Variants in NDUFV3 observed in about 807,000 individuals in gnomAD.
The protein encoded by NDUFV3 is NADH:ubiquinone oxidoreductase subunit V3.
In NDUFV3, 44 loss-of-function variants were observed where a neutral mutation model predicts 37.5. The ratio of observed to expected loss-of-function variants is 1.17; its 90% CI spans 0.92 to 1.51. NDUFV3 has a LOEUF of 1.51. NDUFV3 is among the 40% of genes most tolerant of loss of function. The probability of loss-of-function intolerance (pLI) is 0.00; values close to 1 mark genes in which losing one functional copy is unlikely to be tolerated. For missense variants in NDUFV3, 580 were observed against 580.4 expected, an observed-to-expected ratio of 1.00 and a Z score of 0.01; for synonymous variants, 235 against 239.3, an observed-to-expected ratio of 0.98 and a Z score of 0.17.
chr21:42,895,942 C>T (rs376418719), intron 1 of NDUFV3, among the ~76,000 whole-genome samples: 3 of 150,714 alleles, frequency 2.0e-5, no homozygotes, highest in Non-Finnish European at 1.5e-5. Flanking sequence ...TTCATATGCA[C>T]GGTACCTACA....
At chr21:42,906,414 T>C (rs1012569826) in intron 3 of NDUFV3, among the ~76,000 whole-genome samples, 1 of 152,174 alleles carries the variant, frequency 6.6e-6, no homozygotes, top group Non-Finnish European at 1.5e-5. Flanking sequence ...ACAGGATCTA[T>C]GTGTTTTCCC....
chr21:42,896,843 AAAT>A, intron 1 of NDUFV3, 81 bp from the exon 2 acceptor site: 1 of 1,372,840 alleles, frequency 7.3e-7, no homozygotes, highest in Non-Finnish European at 9.9e-7. Flanking sequence ...CTGACTCAAA[AAAT>A]ATATATATAT....
In NDUFV3 at chr21:42,903,846, TAAAG is replaced by T. The variant is rs775322781; in HGVS notation, c.839_842del (p.Glu280AlafsTer80). 2.2e-5 allele frequency: 36 copies of T among 1,613,090 alleles called. No individual in the cohort carries two copies. Among genetic ancestry groups the T allele is most frequent in the East Asian group, 4.5e-5 (2 of 44,874 alleles). On this transcript the variant is annotated frameshift_variant, in exon 3 of 4. Coordinates refer to ENST00000354250, the MANE Select transcript of NDUFV3 (RefSeq NM_021075.4). LOFTEE classifies it high-confidence loss of function. ...AAACATTTAGATTAAATGAAATAGA[TAAAG>T]AAAGCCAAAAGCCATTTGAAGTTAA... is the stretch of plus-strand genomic sequence containing the variant.
At chr21:42,894,831 A>G (rs2058683827) in intron 1 of NDUFV3, among the ~76,000 whole-genome samples, 1 of 151,838 alleles carries the variant, frequency 6.6e-6, no homozygotes, top group Admixed American at 6.6e-5. Context: ...ACACGTTTTC[A>G]TGTTTATATG....
At position 42,909,385 on chromosome 21, in the gene NDUFV3, G is replaced by C; in HGVS notation, c.*364G>C. 1 of 318,720 alleles carries C rather than the reference G, an allele frequency of 3.1e-6. No individual in the cohort carries two copies. Among genetic ancestry groups the C allele is most frequent in the Non-Finnish European group, 6.1e-6 (1 of 162,728 alleles). 19.7% of individuals were successfully genotyped at this position (318,720 alleles called of 1,614,324 possible). On this transcript the variant is annotated 3_prime_UTR_variant, in exon 4 of 4. Coordinates refer to ENST00000354250, the MANE Select transcript of NDUFV3 (RefSeq NM_021075.4). ...TCGAACTCCTGACCTCAGATGGTCT[G>C]CCCACCTCCGCCTCCCAAAGTGCTG...
At chr21:42,895,692 ATT>A (rs2058687395) in intron 1 of NDUFV3, among the ~76,000 whole-genome samples, 1 of 151,378 alleles carries the variant, frequency 6.6e-6, no homozygotes, top group South Asian at 2.1e-4. Flanking sequence ...GAAACGTGGT[ATT>A]TTGTAGGTTA....
In NDUFV3 at chr21:42,903,942, T is replaced by A. The variant is rs377633249; in HGVS notation, c.930T>A (p.Ala310=). Residue 310 remains alanine, a synonymous_variant, in exon 3 of 4, where the codon GCT becomes GCA. Coordinates refer to ENST00000354250, the MANE Select transcript of NDUFV3 (RefSeq NM_021075.4). ...CACCGAAGGGCAGCCCAGCGCCTGC[T>A]GTGTTGGCAGAAGAGGCCAGAGCAG... ...SAPPKGSPAP[A]VLAEEARAEG... is the part of the protein sequence containing the mutation. 9 of 1,613,130 alleles carry A rather than the reference T, an allele frequency of 5.6e-6. No homozygotes were observed. The African/African-American group carries it at 8.0e-5, about 14-fold the overall frequency.
At position 42,909,014 on chromosome 21, in the gene NDUFV3, GAC is replaced by G. The variant is rs1409268545; in HGVS notation, c.1418_1419del (p.His473LeufsTer22). ...CCCTCCTCAGGCCGGGAGTCACCTC[GAC>G]ACTGAGGGCCCTCGGTGTGAAGATG... On this transcript the variant is annotated frameshift_variant, in exon 4 of 4. Transcript: ENST00000354250. LOFTEE classifies it high-confidence loss of function. 6.2e-7 allele frequency: 1 copy of G among 1,613,318 alleles called. No individual in the cohort carries two copies. Among genetic ancestry groups the G allele is most frequent in the African/African-American group, 1.3e-5 (1 of 74,824 alleles).
chr21:42,893,471 C>T, intron 1 of NDUFV3, 90 bp downstream of exon 1: 1 of 1,439,404 alleles, frequency 6.9e-7, no homozygotes, highest in South Asian at 1.2e-5. Flanking sequence ...CAGGTCCGGG[C>T]CTGTCCGCGA....
Position 42,909,309 on chromosome 21 carries a change from C to T in NDUFV3, c.*288C>T, listed in dbSNP as rs1467048015. 7 of 373,398 alleles carry T rather than the reference C, an allele frequency of 1.9e-5. No homozygotes were observed. Among genetic ancestry groups the T allele is most frequent in the Non-Finnish European group, 3.1e-5 (6 of 193,668 alleles). 23.1% of individuals were successfully genotyped at this position (373,398 alleles called of 1,614,324 possible). ...GGTACTCACCACCAGGTCCAGCTAA[C>T]TTTTGTATTTTTAGTAGAGACAGGG... On this transcript the variant is annotated 3_prime_UTR_variant, in exon 4 of 4. Coordinates refer to ENST00000354250, the MANE Select transcript of NDUFV3 (RefSeq NM_021075.4).
rs780358623 is a variant in NDUFV3 at position 42,903,923 on chromosome 21, A to C, written c.911A>C (p.Lys304Thr). The change falls in exon 3 of 4, where the codon AAG becomes ACG. Residue 304 changes from lysine to threonine, a missense_variant. Lys to Thr is a moderately conservative substitution (Grantham distance 78, BLOSUM62 -1). Transcript: ENST00000354250. The stretch of plus-strand genomic sequence containing the variant: ...AAATCAGGGTTGTCTGCGCCACCGA[A>C]GGGCAGCCCAGCGCCTGCTGTGTTG... ...HTKSGLSAPPKGSPAPAVLAE... is the reference protein window; with the variant it reads ...HTKSGLSAPPTGSPAPAVLAE... 8.7e-6 allele frequency: 14 copies of C among 1,611,908 alleles called. No homozygotes were observed. In the South Asian group the frequency reaches 1.4e-4, roughly 16 times the overall value.
At position 42,894,361 on chromosome 21, in the gene NDUFV3, T is replaced by A. The variant is rs1239013555; in HGVS notation, c.48+980T>A. 3.6e-4 allele frequency among the ~76,000 whole-genome samples: 12 copies of A among 33,318 alleles called. No individual in the cohort carries two copies. The African/African-American group carries it at 8.2e-3, about 23-fold the overall frequency. 21.9% of individuals were successfully genotyped at this position (33,318 alleles called of 152,430 possible). ...ATATATATTATATATAAATATATAT[T>A]ATATATATATTTATATAATATGTAA... On this transcript the variant is annotated intron_variant, in intron 1 of 3. Transcript: ENST00000354250.
intron 3 of NDUFV3, among the ~76,000 whole-genome samples, chr21:42,906,308 G>A (rs570215928): frequency 8.5e-5 from 13 of 152,214 alleles, no homozygotes; most frequent in African/African-American, 1.9e-4. Context: ...CCTAACAAGC[G>A]CGGCTCCGTC....
chr21:42,897,470 T>G lies in NDUFV3; in HGVS notation c.169+423T>G, dbSNP rs150560606. The stretch of plus-strand genomic sequence containing the variant: ...AGTCTCTTTGAGACCCATCTGTGGT[T>G]TTCCAGGCTTTGCTTAATCCCAGTC... On this transcript the variant is annotated intron_variant, in intron 2 of 3. Transcript: ENST00000354250. Among the ~76,000 whole-genome samples the G allele has an allele frequency of 9.6e-3, 1,468 of 152,286 alleles. 34 individuals are homozygous for G. The highest frequency in any genetic ancestry group is 0.034 in the African/African-American group (1,414 of 41,536).
chr21:42,896,805 C>T (rs576168606), intron 1 of NDUFV3, 122 bp from the exon 2 acceptor site: 12 of 1,023,238 alleles, frequency 1.2e-5, no homozygotes, highest in Middle Eastern at 6.6e-4. Context: ...TGCCACTGCA[C>T]TCCAGCCTGG....
At chr21:42,898,701 G>C (rs1051707701) in intron 2 of NDUFV3, among the ~76,000 whole-genome samples, 9 of 152,062 alleles carry the variant, frequency 5.9e-5, no homozygotes, top group African/African-American at 2.2e-4. Flanking sequence ...GAATTCCTGG[G>C]CTCAAGCAAT....
At chr21:42,906,009 G>T (rs933956980) in intron 3 of NDUFV3, among the ~76,000 whole-genome samples, 4 of 151,586 alleles carry the variant, frequency 2.6e-5, no homozygotes, top group Non-Finnish European at 4.4e-5. Context: ...CACTACAGGT[G>T]CCTGCCACCA....
intron 3 of NDUFV3, among the ~76,000 whole-genome samples, chr21:42,906,155 C>T (rs890605628): frequency 4.6e-5 from 7 of 152,170 alleles, no homozygotes; most frequent in African/African-American, 7.2e-5. Context: ...TGAGCCACTG[C>T]GCCCAGCTAT....
At chr21:42,896,312 A>G (rs371887678) in intron 1 of NDUFV3, among the ~76,000 whole-genome samples, 476 of 139,798 alleles carry the variant, frequency 3.4e-3, no homozygotes, top group Middle Eastern at 0.015. Context: ...ACCCGCCACC[A>G]TGCCCGGCTA....
Sources: allele counts gnomAD v4.1 joint callset (sites outside exome capture counted in the v4.1 genomes callset), GRCh38; gene constraint gnomAD v4.1.1; transcripts MANE v1.5; gene names NCBI Gene and HGNC (gene_info 2026-07-23, HGNC 2026-07-21).